TGFA: variants seen among roughly 807,000 people sequenced by gnomAD.
TGFA encodes the protein protransforming growth factor alpha.
A neutral mutation model predicts 21.7 loss-of-function variants in TGFA; 12 were observed. That is an observed-to-expected ratio of 0.55 (90% CI 0.35 to 0.90). The LOEUF (loss-of-function observed/expected upper bound fraction) is 0.90, where lower values mean the gene tolerates loss of function less well. TGFA is among the 40% of genes least tolerant of loss of function. The probability of loss-of-function intolerance (pLI) is 0.01; values close to 1 mark genes in which losing one functional copy is unlikely to be tolerated. For synonymous variants in TGFA, 79 were observed against 88.1 expected (o/e 0.90, Z 0.58); for missense variants, 178 against 210.8 (o/e 0.84, Z 0.96).
At chr2:70,487,911 A>G (rs1671314015) in intron 2 of TGFA, among the ~76,000 whole-genome samples, 1 of 152,216 alleles carries the variant, frequency 6.6e-6, no homozygotes, top group African/African-American at 2.4e-5. Context: ...ATTCCAGGAA[A>G]TTTGTAACAA....
rs528891476 is a variant in TGFA, at chr2:70,451,767, G to A, written c.476-901C>T. On this transcript the variant is annotated intron_variant, in intron 5 of 5. Coordinates refer to ENST00000295400, the MANE Select transcript of TGFA (RefSeq NM_003236.4). ...ATAGATTAGCCCAAGGTAGCTGAAA[G>A]GAGATGTTGAGAGGGGGCTTTAGAG... is the stretch of plus-strand genomic sequence containing the variant. The A allele has an allele frequency of 7.1e-6, 5 of 702,010 alleles. No individual in the cohort carries two copies. In the East Asian group the frequency reaches 1.3e-4, roughly 19 times the overall value. The allele number at this position is 702,010 out of a possible 1,614,324, so 43.5% of individuals were successfully genotyped here.
chr2:70,462,857 T>G (rs1553491617), intron 3 of TGFA, among the ~76,000 whole-genome samples: 1 of 152,096 alleles, frequency 6.6e-6, no homozygotes, highest in Non-Finnish European at 1.5e-5. Flanking sequence ...TGCGAGTGTG[T>G]CTCAGCTGTC....
chr2:70,547,862 T>TATATATATCTATATAG (rs1559147287), intron 1 of TGFA, among the ~76,000 whole-genome samples: 142 of 147,566 alleles, frequency 9.6e-4, no homozygotes, highest in African/African-American at 3.4e-3. Flanking sequence ...TATCTATATA[T>TATATATATCTATATAG]AGAGAGATAT....
intron 1 of TGFA, among the ~76,000 whole-genome samples, chr2:70,551,988 C>A (rs536566070): frequency 1.3e-5 from 2 of 152,156 alleles, no homozygotes; most frequent in Admixed American, 1.3e-4. Flanking sequence ...TAATTTTTAC[C>A]GAATAACCAC....
At chr2:70,495,126 A>C (rs1465753302) in intron 2 of TGFA, among the ~76,000 whole-genome samples, 1 of 152,172 alleles carries the variant, frequency 6.6e-6, no homozygotes, top group African/African-American at 2.4e-5. Context: ...ACGTTTTTAG[A>C]TCTAGATTCT....
At position 70,514,872 on chromosome 2, in the gene TGFA, C is replaced by T. The variant is rs782584309; in HGVS notation, c.81G>A (p.Thr27=). ...LAACQALENS[T]SPLSADPPVA... ...AGCTGCACTCACCACTCAGCGGGGA[C>T]GTGCTGTTCTCCAAGGCCTGGCACG... The change falls in exon 2 of 6, where the codon ACG becomes ACA. Residue 27 remains threonine, a synonymous_variant. Transcript: ENST00000295400. The T allele has an allele frequency of 2.2e-5, 36 of 1,614,022 alleles. No homozygotes were observed. In the Middle Eastern group the frequency reaches 1.2e-3, roughly 52 times the overall value.
At chr2:70,506,586 A>G (rs1213566438) in intron 2 of TGFA, among the ~76,000 whole-genome samples, 1 of 152,210 alleles carries the variant, frequency 6.6e-6, no homozygotes, top group African/African-American at 2.4e-5. Flanking sequence ...TGTATGCATC[A>G]CCAGTAATGA....
intron 1 of TGFA, among the ~76,000 whole-genome samples, chr2:70,517,524 T>G (rs143438670): frequency 3.9e-5 from 6 of 152,286 alleles, no homozygotes; most frequent in Non-Finnish European, 5.9e-5. Context: ...ACTTAGTCCT[T>G]ATAACAACTC....
At chr2:70,459,744 CGCCCCAGCAGGAGCCCCA>C (rs1559099303) in intron 3 of TGFA, among the ~76,000 whole-genome samples, 1 of 152,144 alleles carries the variant, frequency 6.6e-6, no homozygotes. Flanking sequence ...GCTTTAAAAC[CGCCCCAGCAGGAGCCCCA>C]GCCCCTTAGG....
In TGFA at chr2:70,529,595, G is replaced by A. The variant is rs848963; in HGVS notation, c.41-14683C>T. On this transcript the variant is annotated intron_variant, in intron 1 of 5. Coordinates refer to ENST00000295400, the MANE Select transcript of TGFA (RefSeq NM_003236.4). ...AAGGTCCTGAGGAGTGAATCCCCCC[G>A]CCCCAGTCCTAGAAAAGAGCAGGTG... Among the ~76,000 whole-genome samples, 726 of 144,208 alleles carry A rather than the reference G, an allele frequency of 5.0e-3. 5 individuals carry two copies. The highest frequency in any genetic ancestry group is 0.018 in the African/African-American group (665 of 36,408). The allele number at this position is 144,208 out of a possible 152,430, so 94.6% of individuals were successfully genotyped here. A position where few individuals can be genotyped will look rare whatever the true frequency, so the allele number is the denominator to read the frequency against.
At chr2:70,526,528 T>C (rs76442013) in intron 1 of TGFA, among the ~76,000 whole-genome samples, 2,980 of 152,322 alleles carry the variant, frequency 0.02, 97 homozygotes, top group African/African-American at 0.068. Flanking sequence ...ATCTCATTTA[T>C]TGACTCGAGA....
intron 2 of TGFA, 134 bp downstream of exon 2, chr2:70,514,725 G>A (rs1327678060): frequency 6.5e-5 from 61 of 934,564 alleles, no homozygotes; most frequent in Non-Finnish European, 9.9e-5. Flanking sequence ...CCTGAGGAGG[G>A]GGCAGAGAGG....
chr2:70,484,193 T>G (rs1316715844), intron 2 of TGFA, among the ~76,000 whole-genome samples: 1 of 152,248 alleles, frequency 6.6e-6, no homozygotes, highest in African/African-American at 2.4e-5. Flanking sequence ...GAAGCAGGTG[T>G]CCCTGTTGTC....
chr2:70,527,703 T>C (rs1310195969), intron 1 of TGFA, among the ~76,000 whole-genome samples: 12 of 152,370 alleles, frequency 7.9e-5, no homozygotes, highest in African/African-American at 2.9e-4. Context: ...AGGATGTTAA[T>C]AACAGGTGAA....
At chr2:70,553,397 G>A in intron 1 of TGFA, 3 of 1,450,468 alleles carry the variant, frequency 2.1e-6, no homozygotes, top group Non-Finnish European at 2.7e-6. Flanking sequence ...AGCCAGGTAA[G>A]CAGGTAGGTG....
chr2:70,503,583 A>AT lies in TGFA; in HGVS notation c.94+11275_94+11276insA, dbSNP rs1491583812. Among the ~76,000 whole-genome samples, 26 of 136,654 alleles carry AT rather than the reference A, an allele frequency of 1.9e-4. No homozygotes were observed. In the East Asian group the frequency reaches 4.8e-3, roughly 25 times the overall value. 89.7% of individuals were successfully genotyped at this position (136,654 alleles called of 152,430 possible). On this transcript the variant is annotated intron_variant, in intron 2 of 5. Transcript: ENST00000295400. The stretch of plus-strand genomic sequence containing the variant: ...AAACCTAAAGTATAATAATAATAAT[A>AT]AAAAAAAAAAAAGAAACTTGCCTAA...
intron 3 of TGFA, among the ~76,000 whole-genome samples, chr2:70,463,809 T>A (rs918092800): frequency 4.6e-5 from 7 of 152,090 alleles, no homozygotes; most frequent in African/African-American, 1.7e-4. Context: ...AGGGCCAGTG[T>A]TTTTCCACAA....
intron 2 of TGFA, among the ~76,000 whole-genome samples, chr2:70,480,375 T>C (rs1318107712): frequency 6.6e-6 from 1 of 152,148 alleles, no homozygotes; most frequent in Non-Finnish European, 1.5e-5. Flanking sequence ...AGAGGAGTGA[T>C]TGTTGGACTA....
chr2:70,532,779 A>G (rs1001370767), intron 1 of TGFA, among the ~76,000 whole-genome samples: 1 of 152,114 alleles, frequency 6.6e-6, no homozygotes, highest in African/African-American at 2.4e-5. Context: ...CCCCCAGAGG[A>G]GCCAAAAACA....
Sources: allele counts gnomAD v4.1 joint callset (sites outside exome capture counted in the v4.1 genomes callset), GRCh38; gene constraint gnomAD v4.1.1; transcripts MANE v1.5; gene names NCBI Gene and HGNC (gene_info 2026-07-23, HGNC 2026-07-21).